CHI3L2: variants seen among roughly 807,000 people sequenced by gnomAD.
The protein encoded by CHI3L2 is chitinase-3-like protein 2.
Under a neutral mutation model 47.3 loss-of-function variants are expected in CHI3L2, and 47 were observed. The observed-to-expected ratio is 0.99, with a 90% CI of 0.79 to 1.27. CHI3L2 has a LOEUF of 1.27. Among genes scored for constraint, CHI3L2 ranks in the 50% most tolerant of loss-of-function variants. The pLI, the probability that CHI3L2 is intolerant of heterozygous loss-of-function variation, is 0.00. For synonymous variants in CHI3L2, 198 were observed against 169.9 expected (o/e 1.17, Z -1.28); for missense variants, 497 against 462.1 (o/e 1.08, Z -0.69).
intron 2 of CHI3L2, among the ~76,000 whole-genome samples, chr1:111,230,529 C>A (rs1659684127): frequency 6.6e-6 from 1 of 152,160 alleles, no homozygotes; most frequent in South Asian, 2.1e-4. Flanking sequence ...GCTGGGATAA[C>A]AGGTGTGAGC....
intron 7 of CHI3L2, among the ~76,000 whole-genome samples, chr1:111,238,201 T>C (rs1160453051): frequency 3.3e-5 from 5 of 152,266 alleles, no homozygotes; most frequent in African/African-American, 1.2e-4. Context: ...AGCTGTAACC[T>C]GACCACCTTG....
At chr1:111,237,702 G>C (rs1014531067) in intron 7 of CHI3L2, among the ~76,000 whole-genome samples, 1 of 152,138 alleles carries the variant, frequency 6.6e-6, no homozygotes, top group Non-Finnish European at 1.5e-5. Context: ...CTCCCAATCT[G>C]TCTATAAACC....
chr1:111,238,546 GAA>G (rs1227002862), intron 7 of CHI3L2, among the ~76,000 whole-genome samples: 4 of 152,224 alleles, frequency 2.6e-5, no homozygotes, highest in Non-Finnish European at 5.9e-5. Context: ...TCAGAAATTA[GAA>G]AAAGTTGCAT....
intron 4 of CHI3L2, among the ~76,000 whole-genome samples, chr1:111,232,428 C>T (rs1659749107): frequency 6.6e-6 from 1 of 152,184 alleles, no homozygotes; most frequent in African/African-American, 2.4e-5. Flanking sequence ...GAAAGTAGAA[C>T]TTTGGAGATA....
chr1:111,233,635 C>T (rs1659792114), intron 4 of CHI3L2, among the ~76,000 whole-genome samples: 2 of 152,062 alleles, frequency 1.3e-5, no homozygotes, highest in African/African-American at 2.4e-5. Context: ...TGCCCGGCCG[C>T]CCCTACTGGG....
At chr1:111,231,403 C>T (rs184095820) in intron 4 of CHI3L2, 109 bp downstream of exon 4, 1 of 842,982 alleles carries the variant, frequency 1.2e-6, no homozygotes, top group Admixed American at 2.5e-5. Flanking sequence ...GAGGTTTTCC[C>T]TTGGCCAGGT....
intron 3 of CHI3L2, 126 bp from the exon 4 acceptor site, chr1:111,231,112 C>G (rs1659705044): frequency 1.0e-6 from 1 of 1,002,642 alleles, no homozygotes; most frequent in Non-Finnish European, 1.5e-6. Flanking sequence ...CTTCACTGAA[C>G]TTCACTTTAG....
Position 111,234,937 on chromosome 1 carries a change from A to G in CHI3L2, c.360A>G (p.Ser120=). 1 of 1,614,056 alleles carries G rather than the reference A, an allele frequency of 6.2e-7. No individual in the cohort carries two copies. The highest frequency in any genetic ancestry group is 2.2e-5 in the East Asian group (1 of 44,878). ...GFHPMVDSST[S]RLEFINSIIL... ...ACCCTATGGTGGATTCTTCTACATC[A>G]CGCTTGGAATTCATTAACTCCATAA... The change falls in exon 5 of 11, where the codon TCA becomes TCG. Residue 120 remains serine (S), a synonymous_variant. Transcript: ENST00000369748.
intron 4 of CHI3L2, among the ~76,000 whole-genome samples, chr1:111,234,511 T>A (rs961586990): frequency 6.6e-6 from 1 of 152,090 alleles, no homozygotes; most frequent in African/African-American, 2.4e-5. Context: ...AGGTACCAGG[T>A]CTGGGGGTTT....
In CHI3L2 at chr1:111,243,243, A is replaced by G. The variant is rs1412103121; in HGVS notation, c.*29A>G. 2.2e-6 allele frequency: 1 copy of G among 456,076 alleles called. No homozygotes were observed. Among genetic ancestry groups the G allele is most frequent in the Admixed American group, 2.3e-5 (1 of 42,574 alleles). The allele number at this position is 456,076 out of a possible 1,614,324, so 28.3% of individuals were successfully genotyped here. On this transcript the variant is annotated 3_prime_UTR_variant, in exon 11 of 11. Transcript: ENST00000369748. The stretch of plus-strand genomic sequence containing the variant: ...ATTAACTTACAGAGAAGCAGGCAAG[A>G]TGACCTTGCTGCCTGGGGCCTGCTC...
chr1:111,235,689 G>A lies in CHI3L2; in HGVS notation c.531G>A (p.Arg177=), dbSNP rs780287734. 1.2e-5 allele frequency: 20 copies of A among 1,614,074 alleles called. No homozygotes were observed. The highest frequency in any genetic ancestry group is 1.7e-5 in the Non-Finnish European group (20 of 1,180,030). ...QKDFTKSTKE[R]LLLTAGVSAG... ...ACTTCACAAAATCCACCAAGGAAAG[G>A]CTTCTCTTGACTGCGGGCGTATCTG... Residue 177 remains arginine (R), a synonymous_variant, in exon 6 of 11, where the codon AGG becomes AGA. Transcript: ENST00000369748.
chr1:111,231,500 A>C (rs112519536), intron 4 of CHI3L2: 59 of 505,170 alleles, frequency 1.2e-4, no homozygotes, highest in African/African-American at 7.0e-4. Flanking sequence ...GGAGCTTAAT[A>C]CAAGCCCAGA....
Position 111,231,188 on chromosome 1 carries a change from G to T in CHI3L2, c.273-50G>T, listed in dbSNP as rs141383486. The T allele has an allele frequency of 3.4e-6, 5 of 1,468,120 alleles. No individual in the cohort carries two copies. In the Admixed American group the frequency reaches 5.1e-5, roughly 15 times the overall value. 90.9% of individuals were successfully genotyped at this position (1,468,120 alleles called of 1,614,324 possible). On this transcript the variant is annotated intron_variant, in intron 3 of 10. Transcript: ENST00000369748. Reference sequence around the variant, plus strand: ...TAAGAACTCTGTTCTTTAGACAAAGGCTTCCCTGGCAGCCAGAAAATAAAT... The same window carrying T: ...TAAGAACTCTGTTCTTTAGACAAAGTCTTCCCTGGCAGCCAGAAAATAAAT...
chr1:111,235,504 C>G, intron 5 of CHI3L2, 135 bp from the exon 6 acceptor site: 1 of 1,023,130 alleles, frequency 9.8e-7, no homozygotes, highest in Non-Finnish European at 1.4e-6. Context: ...AAGGCATCCC[C>G]ATGTGGGGTG....
rs3748717 is a variant in CHI3L2, at chr1:111,227,922, G to A, written c.40+153G>A. 2.5e-3 allele frequency among the ~76,000 whole-genome samples: 377 copies of A among 152,316 alleles called. 3 individuals carry two copies. Among genetic ancestry groups the A allele is most frequent in the South Asian group, 4.6e-3 (22 of 4,824 alleles). On this transcript the variant is annotated intron_variant, in intron 1 of 10. Coordinates refer to ENST00000369748, the MANE Select transcript of CHI3L2 (RefSeq NM_004000.3). ...TTTCAAGCCAATGCAACTGTTGTAG[G>A]GGAACCACCTGATCTTTCCTGAATG...
intron 1 of CHI3L2, among the ~76,000 whole-genome samples, chr1:111,228,806 G>C (rs1439698233): frequency 6.6e-6 from 1 of 152,206 alleles, no homozygotes; most frequent in South Asian, 2.1e-4. Context: ...AGGCTGGGGG[G>C]ATTGCAGTTC....
In CHI3L2 at chr1:111,242,808, T is replaced by C. The variant is rs562070172; in HGVS notation, c.*3-409T>C. ...CCCACCCACAGTTGATCTTACTTAG[T>C]CTAGACATTTGGGAGCTCCCATGGT... On this transcript the variant is annotated intron_variant, in intron 10 of 10. Transcript: ENST00000369748. Among the ~76,000 whole-genome samples the C allele has an allele frequency of 9.2e-5, 14 of 152,278 alleles. No homozygotes were observed. The South Asian group carries it at 2.9e-3, about 32-fold the overall frequency.
chr1:111,229,676 C>T lies in CHI3L2; in HGVS notation c.41-176C>T, dbSNP rs1264773307. ...CAGCCTGGGCGACAGAGCGAGACTC[C>T]GTCTCAAAAAAAAAAAAAAAAAAAA... On this transcript the variant is annotated intron_variant, in intron 1 of 10. Transcript: ENST00000369748. The T allele has an allele frequency of 3.0e-5, 13 of 433,000 alleles. 1 individual carries two copies. Among genetic ancestry groups the T allele is most frequent in the Admixed American group, 2.2e-4 (2 of 8,996 alleles). 26.8% of individuals were successfully genotyped at this position (433,000 alleles called of 1,614,324 possible).
intron 8 of CHI3L2, 83 bp downstream of exon 8, chr1:111,239,015 A>C (rs888018219): frequency 4.1e-5 from 56 of 1,355,186 alleles, no homozygotes; most frequent in Non-Finnish European, 5.5e-5. Flanking sequence ...AGAGTAAAGC[A>C]TCCTGAGTGT....
Sources: allele counts gnomAD v4.1 joint callset (sites outside exome capture counted in the v4.1 genomes callset), GRCh38; gene constraint gnomAD v4.1.1; transcripts MANE v1.5; gene names NCBI Gene and HGNC (gene_info 2026-07-23, HGNC 2026-07-21).